Variants in SYT14 observed in about 807,000 individuals in gnomAD.
The protein encoded by SYT14 is synaptotagmin 14.
SYT14 carries 32 observed loss-of-function variants against 74.2 expected under a neutral mutation model. The ratio of observed to expected loss-of-function variants is 0.43; its 90% CI spans 0.33 to 0.58. The LOEUF (loss-of-function observed/expected upper bound fraction) is 0.58. SYT14 is among the 20% of genes least tolerant of loss of function. The pLI is 0.05. For missense variants in SYT14, 791 were observed against 981.8 expected (o/e 0.81, Z 2.60); for synonymous variants, 298 against 337.7 (o/e 0.88, Z 1.29).
chr1:210,130,106 A>T (rs1572351643), intron 7 of SYT14, among the ~76,000 whole-genome samples: 1 of 152,324 alleles, frequency 6.6e-6, no homozygotes, highest in East Asian at 1.9e-4. Context: ...ATCATTCAGA[A>T]AACTATTATA....
intron 2 of SYT14, among the ~76,000 whole-genome samples, chr1:209,976,395 T>C (rs1224470145): frequency 6.6e-6 from 1 of 151,394 alleles, no homozygotes; most frequent in Non-Finnish European, 1.5e-5. Context: ...GAGATTCTGG[T>C]ATGTTGTGTC....
At chr1:210,025,710 T>C (rs2080397447) in intron 5 of SYT14, among the ~76,000 whole-genome samples, 1 of 152,138 alleles carries the variant, frequency 6.6e-6, no homozygotes, top group Non-Finnish European at 1.5e-5. Context: ...CTGCCATTTA[T>C]TGAGTTCCTA....
At chr1:210,131,001 T>C (rs557111954) in intron 7 of SYT14, among the ~76,000 whole-genome samples, 1 of 152,338 alleles carries the variant, frequency 6.6e-6, no homozygotes, top group East Asian at 1.9e-4. Context: ...AGAATTGTTA[T>C]GACCACTTTA....
intron 6 of SYT14, among the ~76,000 whole-genome samples, chr1:210,096,728 G>C (rs1269812163): frequency 6.6e-6 from 1 of 152,184 alleles, no homozygotes; most frequent in Non-Finnish European, 1.5e-5. Context: ...GGCAGTTGTA[G>C]GTTTTATCTG....
chr1:209,944,028 C>A (rs1387623906), intron 1 of SYT14, among the ~76,000 whole-genome samples: 1 of 152,020 alleles, frequency 6.6e-6, no homozygotes, highest in East Asian at 1.9e-4. Flanking sequence ...AGAACAATTT[C>A]TTATTTTCAC....
At chr1:210,135,643 A>G (rs2082770432) in intron 7 of SYT14, among the ~76,000 whole-genome samples, 1 of 152,146 alleles carries the variant, frequency 6.6e-6, no homozygotes, top group African/African-American at 2.4e-5. Flanking sequence ...CATGCTTGAT[A>G]ATTTTTAATG....
At chr1:210,028,003 C>T (rs2080451229) in intron 5 of SYT14, among the ~76,000 whole-genome samples, 1 of 152,076 alleles carries the variant, frequency 6.6e-6, no homozygotes, top group Non-Finnish European at 1.5e-5. Flanking sequence ...ACTATTCCAT[C>T]TCTAGGATTT....
intron 2 of SYT14, among the ~76,000 whole-genome samples, chr1:209,984,103 C>G (rs975864655): frequency 6.6e-6 from 1 of 152,150 alleles, no homozygotes; most frequent in East Asian, 1.9e-4. Flanking sequence ...CTGAGGCAGC[C>G]AAAACAAAGG....
intron 5 of SYT14, among the ~76,000 whole-genome samples, chr1:210,057,018 T>C (rs1558158648): frequency 6.6e-6 from 1 of 151,864 alleles, no homozygotes. Flanking sequence ...CTAATTTTTG[T>C]TCTTTTAGTA....
chr1:209,996,688 T>C (rs2079804691), intron 2 of SYT14, among the ~76,000 whole-genome samples: 1 of 151,900 alleles, frequency 6.6e-6, no homozygotes, highest in Non-Finnish European at 1.5e-5. Context: ...CCTGAACATA[T>C]TGATGAACAT....
At chr1:210,109,527 A>G (rs2082220805) in intron 7 of SYT14, among the ~76,000 whole-genome samples, 1 of 151,748 alleles carries the variant, frequency 6.6e-6, no homozygotes, top group Non-Finnish European at 1.5e-5. Flanking sequence ...GCAGTGAGCC[A>G]AGATTGCAGC....
chr1:210,162,675 C>G, exon 10 of SYT14: 1 of 447,672 alleles, frequency 2.2e-6, no homozygotes, highest in East Asian at 7.0e-5. Context: ...CTTGTTATTA[C>G]CATAATAACA....
chr1:209,958,803 T>G (rs1250716197), intron 2 of SYT14, among the ~76,000 whole-genome samples: 2 of 152,202 alleles, frequency 1.3e-5, no homozygotes, highest in Admixed American at 1.3e-4. Flanking sequence ...TAGTTATACT[T>G]TTTATTTCTT....
chr1:210,133,802 A>G (rs2102647741), intron 7 of SYT14, among the ~76,000 whole-genome samples: 1 of 147,712 alleles, frequency 6.8e-6, no homozygotes, highest in East Asian at 1.9e-4. Flanking sequence ...AACCTAGCCC[A>G]AAAGATGTCT....
At chr1:210,167,204 C>T (rs2083465196) in exon 10 of SYT14, 1 of 152,120 alleles carries the variant, frequency 6.6e-6, no homozygotes. Flanking sequence ...TAGTAGCAGC[C>T]ATAGGTGCTG....
intron 3 of SYT14, 113 bp downstream of exon 3, chr1:210,013,910 T>C: frequency 2.0e-6 from 2 of 1,014,802 alleles, no homozygotes; most frequent in Non-Finnish European, 2.8e-6. Context: ...AACTAATATT[T>C]GAGCTACTGT....
At chr1:210,037,639 A>G (rs2080696220) in intron 5 of SYT14, among the ~76,000 whole-genome samples, 1 of 150,102 alleles carries the variant, frequency 6.7e-6, no homozygotes, top group African/African-American at 2.4e-5. Context: ...TTGTATCTCC[A>G]TTTTCATTCA....
intron 5 of SYT14, among the ~76,000 whole-genome samples, chr1:210,091,174 A>T (rs925662509): frequency 7.2e-5 from 11 of 152,188 alleles, no homozygotes; most frequent in African/African-American, 1.9e-4. Context: ...AGTTACACTA[A>T]ATCTAAACTA....
intron 7 of SYT14, among the ~76,000 whole-genome samples, chr1:210,153,589 G>A (rs745352904): frequency 1.3e-5 from 2 of 151,896 alleles, no homozygotes; most frequent in Non-Finnish European, 2.9e-5. Context: ...CTGATATATA[G>A]TAATGTATGG....
Sources: allele counts gnomAD v4.1 joint callset (sites outside exome capture counted in the v4.1 genomes callset), GRCh38; gene constraint gnomAD v4.1.1; transcripts MANE v1.5; gene names NCBI Gene and HGNC (gene_info 2026-07-23, HGNC 2026-07-21).